The following RAVER2 variants were observed in gnomAD, a reference collection of about 807,000 sequenced individuals.
The protein encoded by RAVER2 is ribonucleoprotein PTB-binding 2.
A neutral mutation model predicts 78.1 loss-of-function variants in RAVER2; 46 were observed. That is an observed-to-expected ratio of 0.59 (90% confidence interval 0.46 to 0.75). The LOEUF is 0.75. RAVER2 is among the 30% of genes least tolerant of loss of function. RAVER2 has a pLI of 0.00. For missense variants in RAVER2, 793 were observed against 837.5 expected (o/e 0.95, Z 0.66); for synonymous variants, 311 against 313.3 (o/e 0.99, Z 0.08).
At position 64,792,002 on chromosome 1, in the gene RAVER2, C is replaced by T. The variant is rs111524735; in HGVS notation, c.1105+2488C>T. Among the ~76,000 whole-genome samples, 373 of 152,224 alleles carry T rather than the reference C, an allele frequency of 2.5e-3. 4 individuals carry two copies. The highest frequency in any genetic ancestry group is 4.3e-3 in the Non-Finnish European group (291 of 68,022). ...GTAAAATAAATTTTGAGCAGAGCCCCAGTATATACCATATATGTAAAAGAT... is the reference window on the plus strand; with the variant it reads ...GTAAAATAAATTTTGAGCAGAGCCCTAGTATATACCATATATGTAAAAGAT... On this transcript the variant is annotated intron_variant, in intron 5 of 11. Transcript: ENST00000294428.
intron 4 of RAVER2, among the ~76,000 whole-genome samples, chr1:64,788,791 CAAAA>C (rs35159558): frequency 1.8e-5 from 2 of 109,886 alleles, no homozygotes; most frequent in Non-Finnish European, 2.0e-5. Flanking sequence ...GACTCCGTCT[CAAAA>C]AAAAAAAAAA....
At chr1:64,779,722 C>T (rs1295613011) in intron 3 of RAVER2, among the ~76,000 whole-genome samples, 3 of 151,162 alleles carry the variant, frequency 2.0e-5, no homozygotes, top group Admixed American at 1.3e-4. Flanking sequence ...TTATTTGAGG[C>T]CTTTGAAGCA....
intron 1 of RAVER2, among the ~76,000 whole-genome samples, chr1:64,747,276 T>A (rs1344240499): frequency 6.6e-6 from 1 of 152,198 alleles, no homozygotes; most frequent in Non-Finnish European, 1.5e-5. Flanking sequence ...AATGTCTGCT[T>A]TTTCTTAGTG....
chr1:64,768,773 C>G lies in RAVER2; in HGVS notation c.316+51C>G, dbSNP rs188648113. 5.6e-4 allele frequency: 641 copies of G among 1,149,084 alleles called. 1 individual carries two copies. Among genetic ancestry groups the G allele is most frequent in the Non-Finnish European group, 7.4e-4 (586 of 788,552 alleles). 71.2% of individuals were successfully genotyped at this position (1,149,084 alleles called of 1,614,324 possible). A position where few individuals can be genotyped will look rare whatever the true frequency, so the allele number is the denominator to read the frequency against. ...ATTTCATTTTGATTCTCCCTGTACTCGTTATAGAACAAAAAAGCTCAGTGT... is the reference window on the plus strand; with the variant it reads ...ATTTCATTTTGATTCTCCCTGTACTGGTTATAGAACAAAAAAGCTCAGTGT... On this transcript the variant is annotated intron_variant, in intron 2 of 11. Coordinates refer to ENST00000294428, the Ensembl canonical transcript of RAVER2.
At chr1:64,794,296 G>C (rs980501494) in intron 5 of RAVER2, among the ~76,000 whole-genome samples, 2 of 151,888 alleles carry the variant, frequency 1.3e-5, no homozygotes, top group Middle Eastern at 3.4e-3. Flanking sequence ...TACTCGGGAG[G>C]CTGAGGCAGG....
chr1:64,770,615 A>G (rs981305460), intron 2 of RAVER2, among the ~76,000 whole-genome samples: 8 of 152,052 alleles, frequency 5.3e-5, no homozygotes, highest in African/African-American at 1.7e-4. Flanking sequence ...ACAAAAATCA[A>G]TCACAACTGG....
intron 2 of RAVER2, 147 bp from the exon 3 acceptor site, chr1:64,777,476 A>G (rs1329412463): frequency 1.6e-6 from 1 of 635,400 alleles, no homozygotes; most frequent in Non-Finnish European, 2.7e-6. Flanking sequence ...GTCACAATGC[A>G]TTGCATATAG....
intron 10 of RAVER2, among the ~76,000 whole-genome samples, chr1:64,813,267 C>G (rs1292816938): frequency 6.6e-6 from 1 of 152,154 alleles, no homozygotes; most frequent in Non-Finnish European, 1.5e-5. Context: ...GTGATGTGCT[C>G]CAGGCACAAG....
At chr1:64,788,661 G>A (rs368607437) in intron 4 of RAVER2, among the ~76,000 whole-genome samples, 2 of 151,040 alleles carry the variant, frequency 1.3e-5, no homozygotes, top group African/African-American at 2.4e-5. Flanking sequence ...GCGTTGTGGC[G>A]GGTGCCTATA....
exon 12 of RAVER2, chr1:64,832,897 C>CAGA (rs1211278507): frequency 1.3e-5 from 2 of 153,082 alleles, no homozygotes; most frequent in Admixed American, 6.6e-5. Context: ...AACAAACAAA[C>CAGA]AGAAGAAAGG....
chr1:64,812,970 A>G, intron 10 of RAVER2, 121 bp downstream of exon 10: 1 of 552,388 alleles, frequency 1.8e-6, no homozygotes, highest in Non-Finnish European at 3.0e-6. Flanking sequence ...TAAGGCCTAA[A>G]TTATTCTTTA....
chr1:64,790,740 G>C (rs1312607054), intron 5 of RAVER2, among the ~76,000 whole-genome samples: 1 of 152,130 alleles, frequency 6.6e-6, no homozygotes, highest in Non-Finnish European at 1.5e-5. Flanking sequence ...TGATAAGGGG[G>C]AACTAATGTA....
At chr1:64,747,350 T>C (rs1309072084) in intron 1 of RAVER2, among the ~76,000 whole-genome samples, 2 of 152,232 alleles carry the variant, frequency 1.3e-5, no homozygotes, top group African/African-American at 4.8e-5. Context: ...GTCTTTTTGC[T>C]AGTAAGGCCT....
chr1:64,763,081 G>A (rs897172360), intron 1 of RAVER2, among the ~76,000 whole-genome samples: 4 of 152,142 alleles, frequency 2.6e-5, no homozygotes, highest in Non-Finnish European at 5.9e-5. Context: ...AGGCCAAGGC[G>A]GGCAGATCAT....
chr1:64,780,216 GTGGT>G, intron 3 of RAVER2, among the ~76,000 whole-genome samples: 1 of 152,220 alleles, frequency 6.6e-6, no homozygotes, highest in South Asian at 2.1e-4. Flanking sequence ...CTCTTAACTT[GTGGT>G]CAAGAGACCA....
At chr1:64,752,862 G>C (rs1651738439) in intron 1 of RAVER2, among the ~76,000 whole-genome samples, 1 of 152,156 alleles carries the variant, frequency 6.6e-6, no homozygotes, top group Non-Finnish European at 1.5e-5. Flanking sequence ...TATGAATGCA[G>C]AGACATATGG....
exon 3 of RAVER2, chr1:64,777,802 G>C: frequency 4.3e-6 from 7 of 1,614,084 alleles, no homozygotes; most frequent in Non-Finnish European, 5.9e-6. Context: ...TCGTGCTTAT[G>C]GAAATATTGA....
At chr1:64,771,934 A>G (rs1652330969) in intron 2 of RAVER2, among the ~76,000 whole-genome samples, 1 of 152,150 alleles carries the variant, frequency 6.6e-6, no homozygotes, top group Non-Finnish European at 1.5e-5. Context: ...GGTAGATATG[A>G]GGAAATTATT....
chr1:64,770,572 T>C (rs951761315), intron 2 of RAVER2, among the ~76,000 whole-genome samples: 1 of 151,944 alleles, frequency 6.6e-6, no homozygotes, highest in Admixed American at 6.6e-5. Flanking sequence ...GCAGACATGA[T>C]GAAGAAGCAG....
Sources: allele counts gnomAD v4.1 joint callset (sites outside exome capture counted in the v4.1 genomes callset), GRCh38; gene constraint gnomAD v4.1.1; transcripts MANE v1.5; gene names NCBI Gene and HGNC (gene_info 2026-07-23, HGNC 2026-07-21).